The following IGDCC3 variants were observed in gnomAD, a reference collection of about 807,000 sequenced individuals.
IGDCC3 encodes the protein putative neuronal cell adhesion molecule.
In IGDCC3, 47 loss-of-function variants were observed where a neutral mutation model predicts 72.0. The observed-to-expected ratio is 0.65, with a 90% CI of 0.52 to 0.83. The LOEUF (loss-of-function observed/expected upper bound fraction) is 0.83. Among genes scored for constraint, IGDCC3 ranks in the 40% least tolerant of loss-of-function variants. IGDCC3 has a pLI of 0.00. For missense variants in IGDCC3, 1,038 were observed against 1,091.3 expected (o/e 0.95, Z 0.69); for synonymous variants, 477 against 472.8 (o/e 1.01, Z -0.11).
Position 65,329,230 on chromosome 15 carries a change from T to G in IGDCC3, c.2206-82A>C. 5 of 1,519,630 alleles carry G rather than the reference T, an allele frequency of 3.3e-6. No homozygotes were observed. Among genetic ancestry groups the G allele is most frequent in the Non-Finnish European group, 4.4e-6 (5 of 1,135,888 alleles). The allele number at this position is 1,519,630 out of a possible 1,614,324, so 94.1% of individuals were successfully genotyped here. ...AACTCACCCCACTTGGGCCTTAGGG[T>G]CTCCAGGTCTCCCTGCCTGACTCAG... On this transcript the variant is annotated intron_variant, in intron 13 of 13. Transcript: ENST00000327987. The surrounding 1 kb of genome is among the most constrained non-coding windows in gnomAD (Gnocchi z 4.1).
intron 2 of IGDCC3, among the ~76,000 whole-genome samples, chr15:65,349,087 TC>T (rs1342891813): frequency 6.6e-6 from 1 of 152,196 alleles, no homozygotes; most frequent in Non-Finnish European, 1.5e-5. Context: ...TTTCTATTAC[TC>T]AGGGCGACCA....
rs767731689 is a variant in IGDCC3 at position 65,329,746 on chromosome 15, G to A, written c.1977C>T (p.Leu659=). The change falls in exon 12 of 14, where the codon CTC becomes CTT. Residue 659 remains leucine, a synonymous_variant. Coordinates refer to ENST00000327987, the MANE Select transcript of IGDCC3 (RefSeq NM_004884.4). The surrounding 1 kb of genome is among the most constrained non-coding windows in gnomAD (Gnocchi z 4.1). ...VTCIIFCVLF[L]LFGQRGRVLL... Reference sequence around the variant, plus strand: ...CCCACCTGCCCCTTTGGCCGAACAGGAGGAAGAGGACACAGAAGATGATGC... The same window carrying A: ...CCCACCTGCCCCTTTGGCCGAACAGAAGGAAGAGGACACAGAAGATGATGC... 3.1e-6 allele frequency: 5 copies of A among 1,614,158 alleles called. No individual in the cohort carries two copies. The highest frequency in any genetic ancestry group is 3.3e-5 in the Admixed American group (2 of 60,022).
intron 2 of IGDCC3, among the ~76,000 whole-genome samples, chr15:65,359,990 C>T (rs1300619299): frequency 6.6e-6 from 1 of 152,146 alleles, no homozygotes; most frequent in African/African-American, 2.4e-5. Flanking sequence ...ACCCACAGCT[C>T]CCCATTCTCT....
Position 65,331,260 on chromosome 15 carries a change from G to C in IGDCC3, c.1397-46C>G, listed in dbSNP as rs772287204. On this transcript the variant is annotated intron_variant, in intron 8 of 13. Transcript: ENST00000327987. ...CAGGGGAGTGTGAAGGACTGGGGGA[G>C]TCCTGCCAGCATTGGTGAAATGAGG... 3.3e-5 allele frequency: 53 copies of C among 1,600,878 alleles called. No individual in the cohort carries two copies. The South Asian group carries it at 4.7e-4, about 14-fold the overall frequency.
chr15:65,346,974 G>C (rs2091129748), intron 2 of IGDCC3, among the ~76,000 whole-genome samples: 1 of 152,104 alleles, frequency 6.6e-6, no homozygotes. Context: ...ATTCCTCTCT[G>C]CCTTGGACTT....
chr15:65,357,204 G>A lies in IGDCC3; in HGVS notation c.409+17893C>T, dbSNP rs2091229524. On this transcript the variant is annotated intron_variant, in intron 2 of 13. Coordinates refer to ENST00000327987, the MANE Select transcript of IGDCC3 (RefSeq NM_004884.4). ...TGCATATTCTTTTTCTGGAAACATG[G>A]ACTTCCTAATCTCTTCTGATGGGCT... Among the ~76,000 whole-genome samples the A allele has an allele frequency of 2.0e-5, 3 of 152,080 alleles. No individual in the cohort carries two copies. In the South Asian group the frequency reaches 6.2e-4, roughly 32 times the overall value.
At chr15:65,347,937 AAACAAC>A (rs138666608) in intron 2 of IGDCC3, among the ~76,000 whole-genome samples, 106 of 150,672 alleles carry the variant, frequency 7.0e-4, no homozygotes, top group Middle Eastern at 6.8e-3. Context: ...ATTTCATCTC[AAACAAC>A]AACAACAACA....
At position 65,372,502 on chromosome 15, in the gene IGDCC3, C is replaced by T. The variant is rs533028778; in HGVS notation, c.409+2595G>A. On this transcript the variant is annotated intron_variant, in intron 2 of 13. Transcript: ENST00000327987. The stretch of plus-strand genomic sequence containing the variant: ...CTGTCTTTTGAGGACAGCATCTGAA[C>T]CCCCTGATGGAAGGGCGTGCATTTC... Among the ~76,000 whole-genome samples, 5 of 152,288 alleles carry T rather than the reference C, an allele frequency of 3.3e-5. No individual in the cohort carries two copies. In the South Asian group the frequency reaches 1.0e-3, roughly 32 times the overall value.
rs977379124 is a variant in IGDCC3, at chr15:65,339,972, G to C, written c.410-4016C>G. On this transcript the variant is annotated intron_variant, in intron 2 of 13. Transcript: ENST00000327987. This position sits in a 1 kb window ranked among gnomAD's most constrained non-coding sequence, Gnocchi z 4.1. ...ACAAAGTCCTGCTTGGCAGTAGGTG[G>C]GGAGAAAGGAAGAAGGCACCTTTGT... 1.3e-5 allele frequency among the ~76,000 whole-genome samples: 2 copies of C among 152,136 alleles called. No homozygotes were observed. Among genetic ancestry groups the C allele is most frequent in the Non-Finnish European group, 2.9e-5 (2 of 68,026 alleles).
chr15:65,365,174 C>A (rs1424216773), intron 2 of IGDCC3, among the ~76,000 whole-genome samples: 1 of 152,046 alleles, frequency 6.6e-6, no homozygotes, highest in Non-Finnish European at 1.5e-5. Flanking sequence ...ACCAGGAGAC[C>A]GGGAAGACCC....
chr15:65,372,787 G>A (rs936452842), intron 2 of IGDCC3, among the ~76,000 whole-genome samples: 1 of 152,242 alleles, frequency 6.6e-6, no homozygotes, highest in Admixed American at 6.5e-5. Context: ...CGGGCAGGGA[G>A]TTATTACGAA....
At chr15:65,336,658 A>G (rs1420367600) in intron 2 of IGDCC3, among the ~76,000 whole-genome samples, 1 of 152,124 alleles carries the variant, frequency 6.6e-6, no homozygotes, top group African/African-American at 2.4e-5. Context: ...TCAATGTGTC[A>G]TAAATATTCA....
At chr15:65,337,971 A>C (rs1380762675) in intron 2 of IGDCC3, among the ~76,000 whole-genome samples, 1 of 152,216 alleles carries the variant, frequency 6.6e-6, no homozygotes, top group African/African-American at 2.4e-5. Flanking sequence ...GGAGGCACCC[A>C]GTGCTAGGAG....
chr15:65,335,713 AC>A (rs1319503046), intron 3 of IGDCC3, 98 bp downstream of exon 3: 2 of 1,385,268 alleles, frequency 1.4e-6, no homozygotes, highest in African/African-American at 2.8e-5. Context: ...ACCTGTGGGC[AC>A]CAACTGCAGC....
chr15:65,350,119 A>ATTAT lies in IGDCC3; in HGVS notation c.410-14167_410-14164dup, dbSNP rs575827747. Among the ~76,000 whole-genome samples, 1,006 of 152,172 alleles carry ATTAT rather than the reference A, an allele frequency of 6.6e-3. 8 individuals carry two copies. Among genetic ancestry groups the ATTAT allele is most frequent in the African/African-American group, 0.023 (959 of 41,506 alleles). ...GTTGGGTAATAAGAGATCTGAAAGGATTATTTATTTATTTATTTAAATATT... is the reference window on the plus strand; with the variant it reads ...GTTGGGTAATAAGAGATCTGAAAGGATTATTTATTTATTTATTTATTTAAATATT... On this transcript the variant is annotated intron_variant, in intron 2 of 13. Coordinates refer to ENST00000327987, the MANE Select transcript of IGDCC3 (RefSeq NM_004884.4).
intron 2 of IGDCC3, among the ~76,000 whole-genome samples, chr15:65,345,547 C>T (rs960037632): frequency 6.6e-6 from 1 of 151,082 alleles, no homozygotes; most frequent in Non-Finnish European, 1.5e-5. Context: ...GAGTGAGACC[C>T]TGTCTCACAC....
intron 2 of IGDCC3, among the ~76,000 whole-genome samples, chr15:65,367,767 C>T (rs983706233): frequency 1.3e-5 from 2 of 152,154 alleles, no homozygotes; most frequent in East Asian, 3.9e-4. Context: ...TGGGTCTGTC[C>T]GCTCCAGCTT....
At chr15:65,366,227 A>C (rs3985659) in intron 2 of IGDCC3, among the ~76,000 whole-genome samples, 1 of 149,088 alleles carries the variant, frequency 6.7e-6, no homozygotes, top group Non-Finnish European at 1.5e-5. Context: ...AAAAAAAAAA[A>C]AACTAGCTGG....
At chr15:65,371,400 G>A (rs889710408) in intron 2 of IGDCC3, among the ~76,000 whole-genome samples, 10 of 152,160 alleles carry the variant, frequency 6.6e-5, no homozygotes, top group Non-Finnish European at 1.2e-4. Context: ...TGGAAGTCTG[G>A]CCCTGAAGCC....
Sources: allele counts gnomAD v4.1 joint callset (sites outside exome capture counted in the v4.1 genomes callset), GRCh38; gene constraint gnomAD v4.1.1; non-coding constraint Gnocchi (gnomAD v3.1); transcripts MANE v1.5; gene names NCBI Gene and HGNC (gene_info 2026-07-23, HGNC 2026-07-21).